CSMD1: variants seen among roughly 807,000 people sequenced by gnomAD.
CSMD1 encodes the protein CUB and Sushi multiple domains 1, also known as CUB and sushi domain-containing protein 1.
A neutral mutation model predicts 417.5 loss-of-function variants in CSMD1; 213 were observed. That is an observed-to-expected ratio of 0.51 (90% confidence interval 0.46 to 0.57). The LOEUF is 0.57. Among genes scored for constraint, CSMD1 ranks in the 20% least tolerant of loss-of-function variants. The pLI is 0.00. For missense variants in CSMD1, 6,923 were observed against 4,529.7 expected, an observed-to-expected ratio of 1.53 and a Z score of -15.17; for synonymous variants, 2,862 against 1,736.8, an observed-to-expected ratio of 1.65 and a Z score of -16.11.
chr8:4,083,598 C>G (rs1288645312), intron 3 of CSMD1, among the ~76,000 whole-genome samples: 1 of 152,076 alleles, frequency 6.6e-6, no homozygotes, highest in East Asian at 1.9e-4. Context: ...GGAAAGGATT[C>G]CCTATTTAAT....
intron 3 of CSMD1, among the ~76,000 whole-genome samples, chr8:4,095,401 G>GAA (rs148773073): frequency 3.3e-5 from 5 of 151,082 alleles, no homozygotes; most frequent in Admixed American, 6.6e-5. Context: ...AAGTAAAAAA[G>GAA]AAAAAAAAAT....
chr8:3,370,319 G>T (rs1443488393), intron 18 of CSMD1, among the ~76,000 whole-genome samples: 1 of 152,210 alleles, frequency 6.6e-6, no homozygotes, highest in Non-Finnish European at 1.5e-5. Flanking sequence ...ACCAGAGCCG[G>T]AGGGTAGAGG....
At position 3,407,957 on chromosome 8, in the gene CSMD1, G is replaced by A. The variant is rs774761869; in HGVS notation, c.2013C>T (p.Arg671=). ...TGGAATGGTCAGACTGAAATTCCAA[G>A]CGAACTATATGCCCACTGCTGGCCA... ...SQLASSGHIV[R]LEFQSDHSTT... The change falls in exon 14 of 70, where the codon CGC becomes CGT. Residue 671 remains arginine (R), a synonymous_variant. Transcript: ENST00000635120. 7 of 1,613,642 alleles carry A rather than the reference G, an allele frequency of 4.3e-6. No individual in the cohort carries two copies. Among genetic ancestry groups the A allele is most frequent in the Middle Eastern group, 1.6e-4 (1 of 6,062 alleles).
At position 3,593,168 on chromosome 8, in the gene CSMD1, T is replaced by C. The variant is rs182018087; in HGVS notation, c.1098-6908A>G. The stretch of plus-strand genomic sequence containing the variant: ...AAGTGTGATGGTGGCGTGGAGGCTG[T>C]GGAAGCCCAGTGTCATGTTTCCCCA... On this transcript the variant is annotated intron_variant, in intron 8 of 69. Transcript: ENST00000635120. Among the ~76,000 whole-genome samples the C allele has an allele frequency of 3.3e-3, 497 of 152,298 alleles. 5 individuals are homozygous for C. The highest frequency in any genetic ancestry group is 0.011 in the African/African-American group (475 of 41,570).
chr8:3,340,179 G>T (rs1386142568), intron 23 of CSMD1, among the ~76,000 whole-genome samples: 1 of 152,100 alleles, frequency 6.6e-6, no homozygotes, highest in South Asian at 2.1e-4. Context: ...GCCTGGATTT[G>T]GGTTGCAATT....
chr8:3,954,329 G>A (rs887158169), intron 5 of CSMD1, among the ~76,000 whole-genome samples: 7 of 152,172 alleles, frequency 4.6e-5, no homozygotes, highest in African/African-American at 2.4e-5. Context: ...AGGCTGAAGA[G>A]AGAAGGTCAA....
chr8:4,927,751 A>G (rs1004403206), intron 1 of CSMD1, among the ~76,000 whole-genome samples: 1 of 152,122 alleles, frequency 6.6e-6, no homozygotes, highest in Non-Finnish European at 1.5e-5. Flanking sequence ...GGACTTGGCA[A>G]ATGCATTTGT....
At chr8:4,336,134 C>T (rs1443078968) in intron 3 of CSMD1, among the ~76,000 whole-genome samples, 1 of 152,096 alleles carries the variant, frequency 6.6e-6, no homozygotes, top group Non-Finnish European at 1.5e-5. Context: ...GTATAAACTT[C>T]TCACTTTAAG....
chr8:3,645,053 T>G (rs1297640615), intron 7 of CSMD1, among the ~76,000 whole-genome samples: 1 of 150,884 alleles, frequency 6.6e-6, no homozygotes, highest in Non-Finnish European at 1.5e-5. Flanking sequence ...ATCTGCCTCA[T>G]GAAGATCCAG....
At chr8:3,758,919 G>C (rs1026140452) in intron 5 of CSMD1, among the ~76,000 whole-genome samples, 2 of 152,198 alleles carry the variant, frequency 1.3e-5, no homozygotes, top group African/African-American at 4.8e-5. Context: ...CAAGGTTCCA[G>C]GTAGAAGAGC....
chr8:3,395,378 T>C (rs1811621980), intron 17 of CSMD1, among the ~76,000 whole-genome samples: 2 of 152,164 alleles, frequency 1.3e-5, no homozygotes. Context: ...ACAGCTGCTT[T>C]GCTTTGTTTT....
At chr8:3,856,278 C>A (rs549083209) in intron 5 of CSMD1, among the ~76,000 whole-genome samples, 1 of 152,096 alleles carries the variant, frequency 6.6e-6, no homozygotes, top group Admixed American at 6.6e-5. Flanking sequence ...TAAGACACAC[C>A]TGCTTCCGCT....
chr8:4,161,242 C>A (rs960166977), intron 3 of CSMD1, among the ~76,000 whole-genome samples: 2 of 152,160 alleles, frequency 1.3e-5, no homozygotes, highest in African/African-American at 2.4e-5. Context: ...GCACTCTTAC[C>A]ATCTGCATTT....
At chr8:3,739,725 T>A (rs1584928361) in intron 6 of CSMD1, among the ~76,000 whole-genome samples, 1 of 152,216 alleles carries the variant, frequency 6.6e-6, no homozygotes, top group Non-Finnish European at 1.5e-5. Flanking sequence ...AGTTTTAAAC[T>A]ATTGATCCAC....
chr8:4,487,287 G>A (rs1003531909), intron 2 of CSMD1, among the ~76,000 whole-genome samples: 4 of 151,988 alleles, frequency 2.6e-5, no homozygotes, highest in African/African-American at 9.7e-5. Context: ...TCGTCATTTA[G>A]CATTAGGTAT....
At chr8:3,114,212 C>G (rs926657878) in intron 42 of CSMD1, among the ~76,000 whole-genome samples, 1 of 152,234 alleles carries the variant, frequency 6.6e-6, no homozygotes, top group Non-Finnish European at 1.5e-5. Context: ...CCACTGCACT[C>G]CAGCCTGGGC....
At chr8:4,395,587 T>G (rs138024574) in intron 3 of CSMD1, among the ~76,000 whole-genome samples, 1 of 151,904 alleles carries the variant, frequency 6.6e-6, no homozygotes, top group Non-Finnish European at 1.5e-5. Flanking sequence ...AAGAGGAGGA[T>G]AGATTTCAGG....
intron 3 of CSMD1, among the ~76,000 whole-genome samples, chr8:4,041,045 C>G (rs1399476187): frequency 8.4e-6 from 1 of 118,408 alleles, no homozygotes; most frequent in East Asian, 2.6e-4. Context: ...GAGACGGAGT[C>G]TCGCTCTGTC....
chr8:3,310,166 A>G (rs1181853966), intron 23 of CSMD1, among the ~76,000 whole-genome samples: 1 of 152,250 alleles, frequency 6.6e-6, no homozygotes, highest in Non-Finnish European at 1.5e-5. Context: ...TCATTCAAAT[A>G]TTTGATGACC....
Sources: gnomAD v4.1 joint callset for allele counts (sites outside exome capture counted in the v4.1 genomes callset) on GRCh38, gnomAD v4.1.1 for gene constraint, MANE v1.5 for transcripts, NCBI Gene and HGNC (gene_info 2026-07-23, HGNC 2026-07-21) for gene names.